CNTNAP2: variants seen among roughly 807,000 people sequenced by gnomAD.
The protein encoded by CNTNAP2 is contactin-associated protein-like 2.
A neutral mutation model predicts 155.2 loss-of-function variants in CNTNAP2; 98 were observed. The observed-to-expected ratio is 0.63, with a 90% CI of 0.54 to 0.75. The LOEUF (loss-of-function observed/expected upper bound fraction) is 0.75. Among genes scored for constraint, CNTNAP2 ranks in the 30% least tolerant of loss-of-function variants. The probability of loss-of-function intolerance (pLI) is 0.00; values close to 1 mark genes in which losing one functional copy is unlikely to be tolerated. For missense variants in CNTNAP2, 1,727 were observed against 1,688.1 expected (o/e 1.02, Z -0.40); for synonymous variants, 651 against 631.2 (o/e 1.03, Z -0.47).
At chr7:147,137,835 T>C (rs1273536608) in intron 8 of CNTNAP2, among the ~76,000 whole-genome samples, 2 of 151,360 alleles carry the variant, frequency 1.3e-5, no homozygotes, top group Non-Finnish European at 3.0e-5. Context: ...AATAATTGGA[T>C]AGATAAGTAG....
chr7:147,025,613 A>G (rs1798903732), intron 3 of CNTNAP2, among the ~76,000 whole-genome samples: 1 of 151,824 alleles, frequency 6.6e-6, no homozygotes, highest in Non-Finnish European at 1.5e-5. Flanking sequence ...ACAATTCCAT[A>G]TGAGATTTGG....
intron 12 of CNTNAP2, among the ~76,000 whole-genome samples, chr7:147,627,419 G>A (rs897651381): frequency 3.9e-5 from 6 of 151,956 alleles, no homozygotes; most frequent in African/African-American, 1.4e-4. Context: ...AAAACAAGGT[G>A]GGGCATGGTG....
intron 14 of CNTNAP2, among the ~76,000 whole-genome samples, chr7:147,928,483 T>G (rs889810090): frequency 6.6e-6 from 1 of 152,216 alleles, no homozygotes; most frequent in African/African-American, 2.4e-5. Flanking sequence ...GCTTATTTAT[T>G]TATTTTTTCT....
intron 13 of CNTNAP2, among the ~76,000 whole-genome samples, chr7:147,663,383 C>A (rs952910863): frequency 6.6e-6 from 1 of 152,196 alleles, no homozygotes; most frequent in African/African-American, 2.4e-5. Context: ...AATGAACTCC[C>A]ATTGGTTTAA....
chr7:147,936,294 T>C (rs184801116), intron 14 of CNTNAP2, among the ~76,000 whole-genome samples: 11 of 117,862 alleles, frequency 9.3e-5, no homozygotes, highest in African/African-American at 3.0e-4. Flanking sequence ...ACACGACATT[T>C]ATTTTATTTT....
chr7:147,738,279 C>T (rs779259681), intron 13 of CNTNAP2, among the ~76,000 whole-genome samples: 19 of 152,158 alleles, frequency 1.2e-4, no homozygotes, highest in South Asian at 2.1e-4. Context: ...AAAGCAACAA[C>T]GGGATTTGAG....
intron 8 of CNTNAP2, among the ~76,000 whole-genome samples, chr7:147,182,837 C>G (rs6948618): frequency 6.6e-6 from 1 of 152,082 alleles, no homozygotes; most frequent in African/African-American, 2.4e-5. Context: ...GTGAAGACAG[C>G]ATGTATTCAG....
chr7:146,946,170 TTC>T (rs374543073), intron 3 of CNTNAP2, among the ~76,000 whole-genome samples: 63 of 149,374 alleles, frequency 4.2e-4, no homozygotes, highest in Middle Eastern at 3.4e-3. Context: ...TCCCTTTTCT[TTC>T]TCTCTCTCTC....
chr7:147,971,587 AG>A (rs1801335675), intron 14 of CNTNAP2, among the ~76,000 whole-genome samples: 2 of 152,072 alleles, frequency 1.3e-5, no homozygotes, highest in Non-Finnish European at 2.9e-5. Context: ...ACTTAGCATA[AG>A]GTTTTTGAGG....
chr7:147,553,328 A>G (rs1799887573), intron 11 of CNTNAP2, among the ~76,000 whole-genome samples: 1 of 152,210 alleles, frequency 6.6e-6, no homozygotes, highest in Non-Finnish European at 1.5e-5. Flanking sequence ...AAATGATCTC[A>G]GGACAAGCAT....
chr7:148,062,011 TAGAG>T (rs374161359), intron 15 of CNTNAP2, among the ~76,000 whole-genome samples: 31 of 84,204 alleles, frequency 3.7e-4, no homozygotes, highest in Non-Finnish European at 4.4e-4. Context: ...AGATAGATGA[TAGAG>T]AGAGAGAGAG....
intron 11 of CNTNAP2, among the ~76,000 whole-genome samples, chr7:147,560,925 G>T (rs1800050630): frequency 6.6e-6 from 1 of 150,954 alleles, no homozygotes; most frequent in African/African-American, 2.4e-5. Flanking sequence ...AAAAAGGGAG[G>T]TCCCAGAATC....
intron 14 of CNTNAP2, among the ~76,000 whole-genome samples, chr7:147,964,350 C>T (rs919901129): frequency 6.6e-6 from 1 of 152,102 alleles, no homozygotes; most frequent in Non-Finnish European, 1.5e-5. Context: ...CCAACAGTCT[C>T]GAAGAATTAA....
intron 13 of CNTNAP2, among the ~76,000 whole-genome samples, chr7:147,645,720 G>A (rs1200758217): frequency 1.3e-5 from 2 of 152,172 alleles, no homozygotes; most frequent in African/African-American, 4.8e-5. Flanking sequence ...TTTTGCCTGT[G>A]TATCAGGAAG....
rs10242338 is a variant in CNTNAP2 at position 146,976,141 on chromosome 7, A to C, written c.403-67766A>C. Among the ~76,000 whole-genome samples the C allele has an allele frequency of 4.4e-3, 667 of 152,324 alleles. 7 individuals carry two copies. Among genetic ancestry groups the C allele is most frequent in the African/African-American group, 0.015 (634 of 41,582 alleles). Reference sequence around the variant, plus strand: ...AATTCAAGTGGTGAGTTAACCTAAAAATATCACAGAGGCCAGGTGTGAGGT... The same window carrying C: ...AATTCAAGTGGTGAGTTAACCTAAACATATCACAGAGGCCAGGTGTGAGGT... On this transcript the variant is annotated intron_variant, in intron 3 of 23. Transcript: ENST00000361727.
chr7:146,483,283 AT>A (rs68013231), intron 1 of CNTNAP2, among the ~76,000 whole-genome samples: 28,187 of 62,498 alleles, frequency 0.45, 5,514 homozygotes, highest in African/African-American at 0.54. Context: ...CTAAAAAAAA[AT>A]ATATATATAT....
chr7:146,805,133 G>T (rs1430378166), intron 2 of CNTNAP2, among the ~76,000 whole-genome samples: 2 of 152,118 alleles, frequency 1.3e-5, no homozygotes, highest in African/African-American at 4.8e-5. Flanking sequence ...GAATCATAGT[G>T]TTTGGGGTCT....
At chr7:148,062,000 TAGATAGATGATAG>T (rs1335888714) in intron 15 of CNTNAP2, among the ~76,000 whole-genome samples, 12 of 104,308 alleles carry the variant, frequency 1.2e-4, no homozygotes, top group African/African-American at 4.0e-4. Flanking sequence ...GATAGATAGA[TAGATAGATGATAG>T]AGAGAGAGAG....
intron 1 of CNTNAP2, among the ~76,000 whole-genome samples, chr7:146,674,515 A>ATT (rs879497822): frequency 0.029 from 4,384 of 151,978 alleles, 97 homozygotes; most frequent in East Asian, 0.11. Context: ...AAAAAATTAA[A>ATT]AAAAAAAGCA....
Sources: allele counts gnomAD v4.1 joint callset (sites outside exome capture counted in the v4.1 genomes callset), GRCh38; gene constraint gnomAD v4.1.1; transcripts MANE v1.5; gene names NCBI Gene and HGNC (gene_info 2026-07-23, HGNC 2026-07-21).